Variants in NRXN1 observed in about 807,000 individuals in gnomAD.
NRXN1 encodes neurexin 1, also known as neurexin-1.
A neutral mutation model predicts 150.9 loss-of-function variants in NRXN1; 39 were observed. The observed-to-expected ratio is 0.26, with a 90% CI of 0.20 to 0.34. NRXN1 has a LOEUF of 0.34. NRXN1 is among the 10% of genes least tolerant of loss of function. The pLI is 1.00. For missense variants in NRXN1, 1,815 were observed against 1,949.9 expected (o/e 0.93, Z 1.30); for synonymous variants, 924 against 757.0 (o/e 1.22, Z -3.62).
At chr2:50,841,610 G>A (rs910545243) in intron 5 of NRXN1, among the ~76,000 whole-genome samples, 11 of 152,158 alleles carry the variant, frequency 7.2e-5, no homozygotes, top group Non-Finnish European at 1.3e-4. Context: ...TAGAGTGCTT[G>A]TTTCTGGCAA....
intron 18 of NRXN1, among the ~76,000 whole-genome samples, chr2:50,202,084 G>T (rs533038362): frequency 6.6e-6 from 1 of 152,288 alleles, no homozygotes; most frequent in African/African-American, 2.4e-5. Flanking sequence ...AAACACATTT[G>T]TTCACATGCA....
At chr2:50,148,883 G>A (rs1656075465) in intron 18 of NRXN1, among the ~76,000 whole-genome samples, 1 of 151,710 alleles carries the variant, frequency 6.6e-6, no homozygotes, top group African/African-American at 2.4e-5. Flanking sequence ...CACTGACCCA[G>A]AGAAAGACCA....
intron 18 of NRXN1, among the ~76,000 whole-genome samples, chr2:50,210,534 T>G (rs1364503767): frequency 6.6e-6 from 1 of 151,842 alleles, no homozygotes; most frequent in Non-Finnish European, 1.5e-5. Context: ...TAATCACTGA[T>G]AGTGATCATT....
chr2:50,702,052 G>C (rs1206808079), intron 5 of NRXN1, among the ~76,000 whole-genome samples: 1 of 151,780 alleles, frequency 6.6e-6, no homozygotes, highest in Non-Finnish European at 1.5e-5. Context: ...CCTTTAATTG[G>C]GTTTCCAAAA....
At chr2:50,482,364 A>C (rs1032963002) in intron 15 of NRXN1, among the ~76,000 whole-genome samples, 2 of 152,130 alleles carry the variant, frequency 1.3e-5, no homozygotes, top group Non-Finnish European at 2.9e-5. Flanking sequence ...AATGGCTTTA[A>C]ATTTTTAAAT....
intron 17 of NRXN1, among the ~76,000 whole-genome samples, chr2:50,276,850 A>G (rs1253099865): frequency 1.3e-5 from 2 of 152,150 alleles, no homozygotes; most frequent in African/African-American, 2.4e-5. Flanking sequence ...CTTGCTATTT[A>G]TGCCAAATTT....
At chr2:50,072,611 AAAT>A (rs1232863586) in intron 19 of NRXN1, among the ~76,000 whole-genome samples, 2,956 of 150,082 alleles carry the variant, frequency 0.02, 95 homozygotes, top group African/African-American at 0.07. Context: ...GCAAAAAAAA[AAAT>A]AAAACAGCAA....
At chr2:50,653,571 C>A (rs1238899613) in intron 5 of NRXN1, among the ~76,000 whole-genome samples, 1 of 151,984 alleles carries the variant, frequency 6.6e-6, no homozygotes, top group Non-Finnish European at 1.5e-5. Context: ...CAGTTTTGGC[C>A]AAACTTAATT....
intron 2 of NRXN1, among the ~76,000 whole-genome samples, chr2:50,983,009 A>T (rs575229159): frequency 1.3e-5 from 2 of 152,144 alleles, no homozygotes; most frequent in East Asian, 3.9e-4. Context: ...TGTGTTGGTC[A>T]AGGAGTTTTA....
At chr2:50,512,088 A>T (rs1003076068) in intron 12 of NRXN1, among the ~76,000 whole-genome samples, 1 of 152,206 alleles carries the variant, frequency 6.6e-6, no homozygotes, top group Non-Finnish European at 1.5e-5. Flanking sequence ...TATTAAAAAA[A>T]AAACTTTCCT....
At chr2:50,677,875 T>C (rs1689777715) in intron 5 of NRXN1, among the ~76,000 whole-genome samples, 2 of 152,074 alleles carry the variant, frequency 1.3e-5, no homozygotes, top group South Asian at 2.1e-4. Context: ...TAGTGCTTCC[T>C]GCAGTACAAA....
At chr2:49,953,147 C>T (rs1054593586) in intron 21 of NRXN1, among the ~76,000 whole-genome samples, 2 of 152,122 alleles carry the variant, frequency 1.3e-5, no homozygotes, top group African/African-American at 2.4e-5. Flanking sequence ...TTCCATTCCA[C>T]ACGATGCTTG....
intron 21 of NRXN1, among the ~76,000 whole-genome samples, chr2:49,994,723 G>T (rs752500193): frequency 4.6e-5 from 7 of 152,156 alleles, no homozygotes; most frequent in Non-Finnish European, 8.8e-5. Flanking sequence ...GACTCCTTTG[G>T]CCAGTCATGC....
chr2:50,668,626 G>A (rs377044882), intron 5 of NRXN1, among the ~76,000 whole-genome samples: 167 of 152,086 alleles, frequency 1.1e-3, no homozygotes, highest in African/African-American at 3.9e-3. Context: ...AGTACAACCA[G>A]CGGCAAACAG....
At chr2:50,079,018 T>G (rs1413117271) in intron 19 of NRXN1, among the ~76,000 whole-genome samples, 1 of 152,098 alleles carries the variant, frequency 6.6e-6, no homozygotes, top group Non-Finnish European at 1.5e-5. Flanking sequence ...CCATCATCCT[T>G]CTACATTATT....
intron 7 of NRXN1, among the ~76,000 whole-genome samples, chr2:50,620,526 T>A (rs1679820347): frequency 6.6e-6 from 1 of 152,184 alleles, no homozygotes; most frequent in South Asian, 2.1e-4. Context: ...CCTAGGTTAG[T>A]TTTGCTGGTG....
In NRXN1 at chr2:49,919,696, A is replaced by G. The variant is rs998113062; in HGVS notation, c.*2248T>C. On this transcript the variant is annotated 3_prime_UTR_variant, in exon 23 of 23. Transcript: ENST00000401669. ...AATTATTTAATGTGGCAAATTAAAA[A>G]AAATGAAAATCTAGAAAAGAAGCAA... 7 of 152,168 alleles carry G rather than the reference A, an allele frequency of 4.6e-5. No individual in the cohort carries two copies. The highest frequency in any genetic ancestry group is 1.7e-4 in the African/African-American group (7 of 41,454). 9.4% of individuals were successfully genotyped at this position (152,168 alleles called of 1,614,324 possible).
chr2:50,237,623 T>A (rs1272460929), intron 17 of NRXN1, among the ~76,000 whole-genome samples: 1 of 151,712 alleles, frequency 6.6e-6, no homozygotes. Context: ...CCACATCCTC[T>A]GCCACCCCAA....
rs1196648541 is a variant in NRXN1, at chr2:50,329,682, T to C, written c.3365-92712A>G. On this transcript the variant is annotated intron_variant, in intron 17 of 22. Coordinates refer to ENST00000401669, the MANE Select transcript of NRXN1 (RefSeq NM_001330078.2). ...ATATATATATATATATATTTTTTTTTTTCCCCCCCGAGACGGAGTCTCACT... is the reference window on the plus strand; with the variant it reads ...ATATATATATATATATATTTTTTTTCTTCCCCCCCGAGACGGAGTCTCACT... Among the ~76,000 whole-genome samples the C allele has an allele frequency of 1.6e-4, 15 of 93,136 alleles. 1 individual carries two copies. The highest frequency in any genetic ancestry group is 2.7e-4 in the Non-Finnish European group (13 of 47,786). The allele number at this position is 93,136 out of a possible 152,430, so 61.1% of individuals were successfully genotyped here. A position where few individuals can be genotyped will look rare whatever the true frequency, so the allele number is the denominator to read the frequency against.
Sources: gnomAD v4.1 joint callset for allele counts (sites outside exome capture counted in the v4.1 genomes callset) on GRCh38, gnomAD v4.1.1 for gene constraint, MANE v1.5 for transcripts, NCBI Gene and HGNC (gene_info 2026-07-23, HGNC 2026-07-21) for gene names.